Variants in CGNL1 observed in about 807,000 individuals in gnomAD.
CGNL1 encodes cingulin like 1.
CGNL1 carries 132 observed loss-of-function variants against 141.2 expected under a neutral mutation model. That is an observed-to-expected ratio of 0.93 (90% confidence interval 0.81 to 1.08). The LOEUF (loss-of-function observed/expected upper bound fraction) is 1.08, where lower values mean the gene tolerates loss of function less well. Among genes scored for constraint, CGNL1 ranks in the 50% least tolerant of loss-of-function variants. The pLI, the probability that CGNL1 is intolerant of heterozygous loss-of-function variation, is 0.00. For synonymous variants in CGNL1, 690 were observed against 622.1 expected, an observed-to-expected ratio of 1.11 and a Z score of -1.63; for missense variants, 1,870 against 1,588.6, an observed-to-expected ratio of 1.18 and a Z score of -3.01.
At position 57,550,570 on chromosome 15, in the gene CGNL1, T is replaced by G. The variant is rs1212291810; in HGVS notation, c.*3080T>G. 2.0e-5 allele frequency: 3 copies of G among 152,678 alleles called. No individual in the cohort carries two copies. Among genetic ancestry groups the G allele is most frequent in the African/African-American group, 7.2e-5 (3 of 41,454 alleles). The allele number at this position is 152,678 out of a possible 1,614,324, so 9.5% of individuals were successfully genotyped here. A position where few individuals can be genotyped will look rare whatever the true frequency, so the allele number is the denominator to read the frequency against. On this transcript the variant is annotated 3_prime_UTR_variant, in exon 19 of 19. Transcript: ENST00000281282. ...GTGTCGTTCTACAATGCCCGTTGAC[T>G]TATTCCATTGCGTCTCTGCTTTAGG... is the stretch of plus-strand genomic sequence containing the variant.
intron 1 of CGNL1, among the ~76,000 whole-genome samples, chr15:57,403,862 G>A (rs2062686109): frequency 6.6e-6 from 1 of 151,984 alleles, no homozygotes; most frequent in Non-Finnish European, 1.5e-5. Flanking sequence ...TCTAGGGGTT[G>A]CCCCTGCCTT....
intron 14 of CGNL1, among the ~76,000 whole-genome samples, chr15:57,539,294 C>T (rs1193588674): frequency 6.6e-6 from 1 of 152,182 alleles, no homozygotes; most frequent in Non-Finnish European, 1.5e-5. Flanking sequence ...GAGCTACAGG[C>T]TCCTGCCTTC....
intron 8 of CGNL1, among the ~76,000 whole-genome samples, chr15:57,471,009 C>T (rs1283171304): frequency 6.6e-6 from 1 of 152,182 alleles, no homozygotes; most frequent in South Asian, 2.1e-4. Flanking sequence ...AACTTGCTGA[C>T]TTTGTACCCA....
At chr15:57,489,676 T>C (rs1367497591) in intron 8 of CGNL1, among the ~76,000 whole-genome samples, 1 of 152,210 alleles carries the variant, frequency 6.6e-6, no homozygotes, top group Non-Finnish European at 1.5e-5. Flanking sequence ...GATTCTTGCC[T>C]CATTGAATTG....
intron 1 of CGNL1, among the ~76,000 whole-genome samples, chr15:57,381,346 GC>G (rs1415800355): frequency 6.6e-6 from 1 of 152,080 alleles, no homozygotes; most frequent in Non-Finnish European, 1.5e-5. Context: ...GATCCCTTGA[GC>G]CCAGGAGGTC....
At chr15:57,495,492 T>C (rs1243324281) in intron 8 of CGNL1, among the ~76,000 whole-genome samples, 1 of 152,216 alleles carries the variant, frequency 6.6e-6, no homozygotes, top group Non-Finnish European at 1.5e-5. Context: ...TTTCTGGTTT[T>C]ATACCTGCAA....
chr15:57,387,870 T>A (rs977137441), intron 1 of CGNL1, among the ~76,000 whole-genome samples: 1 of 152,216 alleles, frequency 6.6e-6, no homozygotes, highest in Admixed American at 6.5e-5. Flanking sequence ...GCCAGATTTG[T>A]AGCTTGTCAT....
intron 8 of CGNL1, among the ~76,000 whole-genome samples, chr15:57,490,013 C>A (rs1386611905): frequency 6.6e-6 from 1 of 152,128 alleles, no homozygotes; most frequent in Non-Finnish European, 1.5e-5. Flanking sequence ...TTGTGTGCAG[C>A]CTTACTGATG....
At chr15:57,430,954 G>A (rs906737927) in intron 1 of CGNL1, among the ~76,000 whole-genome samples, 4 of 152,000 alleles carry the variant, frequency 2.6e-5, no homozygotes, top group Admixed American at 1.3e-4. Flanking sequence ...ATTCCTGGCC[G>A]CAGGTGATCA....
Position 57,481,422 on chromosome 15 carries a change from A to T in CGNL1, c.2403+19530A>T, listed in dbSNP as rs532617046. Among the ~76,000 whole-genome samples, 13 of 152,312 alleles carry T rather than the reference A, an allele frequency of 8.5e-5. 1 individual carries two copies. Among genetic ancestry groups the T allele is most frequent in the African/African-American group, 2.6e-4 (11 of 41,580 alleles). ...TTTTATCATTTCCAGGATGGTATAT[A>T]GATGGAATCATACAGAATGTAACCT... On this transcript the variant is annotated intron_variant, in intron 8 of 18. Coordinates refer to ENST00000281282, the MANE Select transcript of CGNL1 (RefSeq NM_032866.5).
intron 8 of CGNL1, among the ~76,000 whole-genome samples, chr15:57,473,475 C>A (rs749344591): frequency 6.6e-5 from 10 of 152,194 alleles, no homozygotes; most frequent in African/African-American, 2.4e-4. Context: ...TACAGTAGCC[C>A]GTTGGCCCCC....
chr15:57,484,804 C>A lies in CGNL1; in HGVS notation c.2403+22912C>A, dbSNP rs576122710. 1.4e-4 allele frequency among the ~76,000 whole-genome samples: 21 copies of A among 152,162 alleles called. No homozygotes were observed. In the South Asian group the frequency reaches 3.9e-3, roughly 29 times the overall value. The stretch of plus-strand genomic sequence containing the variant: ...ACTCCCACTTATGAGTGAGAACATG[C>A]AGTGTTTGGTTTTCTGTTCCTGTGT... On this transcript the variant is annotated intron_variant, in intron 8 of 18. Transcript: ENST00000281282.
In CGNL1 at chr15:57,440,389, C is replaced by T; in HGVS notation, c.1615C>T (p.Leu539Phe). Residue 539 changes from leucine (L) to phenylalanine (F), a missense_variant, in exon 3 of 19, where the codon CTC (leucine) becomes TTC (phenylalanine). Coordinates refer to ENST00000281282, the MANE Select transcript of CGNL1 (RefSeq NM_032866.5). ...SASNTQATPD[L>F]LKGQQELTQQ... ...CCTTATGTTCCAGGCCACACCGGAT[C>T]TCTTAAAGGGCCAGCAAGAGCTCAC... 1 of 1,600,616 alleles carries T rather than the reference C, an allele frequency of 6.2e-7. No individual in the cohort carries two copies. Among genetic ancestry groups the T allele is most frequent in the Non-Finnish European group, 8.5e-7 (1 of 1,172,772 alleles).
chr15:57,398,135 AGATGCTTAT>A, intron 1 of CGNL1, among the ~76,000 whole-genome samples: 1 of 152,350 alleles, frequency 6.6e-6, no homozygotes, highest in East Asian at 1.9e-4. Flanking sequence ...AAAAACCAAT[AGATGCTTAT>A]TGTAAAGCAT....
At chr15:57,462,981 C>G (rs1054821552) in intron 8 of CGNL1, among the ~76,000 whole-genome samples, 14 of 152,222 alleles carry the variant, frequency 9.2e-5, no homozygotes, top group African/African-American at 3.4e-4. Context: ...CATTTCTGTG[C>G]ACCAGCCTGG....
At chr15:57,437,134 G>A (rs1440305564) in intron 1 of CGNL1, among the ~76,000 whole-genome samples, 1 of 152,126 alleles carries the variant, frequency 6.6e-6, no homozygotes, top group East Asian at 1.9e-4. Context: ...ATCCTGCTTG[G>A]TGAGCTCTCT....
chr15:57,397,151 T>C (rs2062611878), intron 1 of CGNL1: 1 of 152,212 alleles, frequency 6.6e-6, no homozygotes, highest in Non-Finnish European at 1.5e-5. Context: ...TAGAGTCATG[T>C]GAAGAGGAAT....
chr15:57,391,979 C>CT (rs1367578748), intron 1 of CGNL1, among the ~76,000 whole-genome samples: 3 of 151,424 alleles, frequency 2.0e-5, no homozygotes, highest in South Asian at 4.2e-4. Context: ...TCTTTCCCCC[C>CT]CCTCACCTGA....
At chr15:57,485,342 T>A (rs2063773098) in intron 8 of CGNL1, among the ~76,000 whole-genome samples, 1 of 152,186 alleles carries the variant, frequency 6.6e-6, no homozygotes, top group Non-Finnish European at 1.5e-5. Context: ...TGGTATATAT[T>A]CTTGAAAAGA....
Sources: gnomAD v4.1 joint callset for allele counts (sites outside exome capture counted in the v4.1 genomes callset) on GRCh38, gnomAD v4.1.1 for gene constraint, MANE v1.5 for transcripts, NCBI Gene and HGNC (gene_info 2026-07-23, HGNC 2026-07-21) for gene names.